The following TMEM245 variants were observed in gnomAD, a reference collection of about 807,000 sequenced individuals.
The protein encoded by TMEM245 is protein CG-2.
A neutral mutation model predicts 101.2 loss-of-function variants in TMEM245; 69 were observed. The observed-to-expected ratio is 0.68, with a 90% CI of 0.56 to 0.83. The LOEUF (loss-of-function observed/expected upper bound fraction) is 0.83, where lower values mean the gene tolerates loss of function less well. TMEM245 is among the 40% of genes least tolerant of loss of function. The probability of loss-of-function intolerance (pLI) is 0.00; values close to 1 mark genes in which losing one functional copy is unlikely to be tolerated. For missense variants in TMEM245, 1,075 were observed against 1,092.8 expected, an observed-to-expected ratio of 0.98 and a Z score of 0.23; for synonymous variants, 537 against 449.8, an observed-to-expected ratio of 1.19 and a Z score of -2.45.
intron 16 of TMEM245, 26 bp downstream of exon 16, chr9:109,036,180 A>G: frequency 6.5e-7 from 1 of 1,538,814 alleles, no homozygotes; most frequent in Non-Finnish European, 8.7e-7. Context: ...ATGATTCACT[A>G]ATAAGAAATT....
At chr9:109,060,111 G>C (rs1828964827) in intron 11 of TMEM245, among the ~76,000 whole-genome samples, 1 of 152,178 alleles carries the variant, frequency 6.6e-6, no homozygotes, top group South Asian at 2.1e-4. Flanking sequence ...CTAGTCTAGG[G>C]GATGAGATGT....
intron 8 of TMEM245, among the ~76,000 whole-genome samples, chr9:109,079,975 A>G (rs1588057753): frequency 1.3e-5 from 2 of 152,148 alleles, no homozygotes; most frequent in South Asian, 4.1e-4. Context: ...TTTTAGAAGC[A>G]AATAAGATAG....
At chr9:109,100,114 T>C (rs570717336) in intron 3 of TMEM245, among the ~76,000 whole-genome samples, 2 of 152,182 alleles carry the variant, frequency 1.3e-5, no homozygotes, top group Non-Finnish European at 2.9e-5. Flanking sequence ...GTAAGGTTTC[T>C]GGGATCTAGG....
rs1427795102 is a variant in TMEM245, at chr9:109,086,034, G to A, written c.1321-14C>T. The A allele has an allele frequency of 6.2e-7, 1 of 1,613,538 alleles. No individual in the cohort carries two copies. Among genetic ancestry groups the A allele is most frequent in the Non-Finnish European group, 8.5e-7 (1 of 1,179,640 alleles). ...CCAGTGCCAGAGCTTGAGGATAGGG[G>A]GTAAGGTGAGAAAGAGAAGATAAGA... On this transcript the variant is annotated splice_polypyrimidine_tract_variant and intron_variant, in intron 6 of 17. Coordinates refer to ENST00000374586, the MANE Select transcript of TMEM245 (RefSeq NM_032012.4).
At chr9:109,057,925 CTTTTTT>C (rs35332085) in intron 11 of TMEM245, among the ~76,000 whole-genome samples, 1 of 112,752 alleles carries the variant, frequency 8.9e-6, no homozygotes, top group Admixed American at 1.0e-4. Flanking sequence ...CATTTACTTT[CTTTTTT>C]TTTTTTTTTT....
At chr9:109,106,855 G>T (rs1188075444) in intron 2 of TMEM245, among the ~76,000 whole-genome samples, 1 of 152,002 alleles carries the variant, frequency 6.6e-6, no homozygotes, top group Non-Finnish European at 1.5e-5. Context: ...TACCTTTAAT[G>T]GGGTTCTATT....
chr9:109,028,009 G>A (rs1827838474), intron 17 of TMEM245, among the ~76,000 whole-genome samples: 1 of 151,960 alleles, frequency 6.6e-6, no homozygotes, highest in Non-Finnish European at 1.5e-5. Context: ...TGAGCCAACA[G>A]CCAAACACCT....
chr9:109,028,754 A>T (rs1165103533), intron 17 of TMEM245, among the ~76,000 whole-genome samples: 1 of 152,100 alleles, frequency 6.6e-6, no homozygotes, highest in African/African-American at 2.4e-5. Flanking sequence ...AGAAGCAAAA[A>T]CCCAAATTAT....
intron 10 of TMEM245, among the ~76,000 whole-genome samples, chr9:109,062,698 C>T (rs1212323056): frequency 6.6e-6 from 1 of 152,184 alleles, no homozygotes; most frequent in Non-Finnish European, 1.5e-5. Context: ...GGCCAGGCAT[C>T]GTGGCTCATG....
At chr9:109,040,205 T>C (rs1340064606) in intron 14 of TMEM245, among the ~76,000 whole-genome samples, 1 of 152,200 alleles carries the variant, frequency 6.6e-6, no homozygotes, top group African/African-American at 2.4e-5. Flanking sequence ...TATTCCCCTC[T>C]ACCTCATTAC....
intron 16 of TMEM245, 85 bp downstream of exon 16, chr9:109,036,121 C>T: frequency 1.4e-5 from 17 of 1,199,884 alleles, no homozygotes; most frequent in Non-Finnish European, 1.8e-5. Context: ...TTGTATACCC[C>T]CAGGAGAAAA....
At chr9:109,051,177 A>C (rs1035105375) in intron 12 of TMEM245, among the ~76,000 whole-genome samples, 1 of 151,872 alleles carries the variant, frequency 6.6e-6, no homozygotes, top group African/African-American at 2.4e-5. Flanking sequence ...TTGTAATCCC[A>C]GCTACCTGGG....
At chr9:109,052,795 T>C (rs566668487) in intron 12 of TMEM245, among the ~76,000 whole-genome samples, 9 of 152,308 alleles carry the variant, frequency 5.9e-5, no homozygotes, top group East Asian at 1.9e-4. Context: ...TTCAGTCATT[T>C]TGGAATTTTT....
In TMEM245 at chr9:109,119,435, T is replaced by C; in HGVS notation, c.479A>G (p.Tyr160Cys). Reference protein sequence around the residue: ...LLLGAGGPLLYGLYCLGSYLG... With the variant: ...LLLGAGGPLLCGLYCLGSYLG... ...GTAGCTGCCGAGGCAGTAGAGGCCG[T>C]ACAGGAGCGGGCCGCCGGCGCCGAG... Residue 160 changes from tyrosine to cysteine, a missense_variant, in exon 1 of 18, where the codon TAC becomes TGC. Transcript: ENST00000374586. 5 of 1,513,882 alleles carry C rather than the reference T, an allele frequency of 3.3e-6. No homozygotes were observed. The highest frequency in any genetic ancestry group is 3.5e-6 in the Non-Finnish European group (4 of 1,137,114). The allele number at this position is 1,513,882 out of a possible 1,614,324, so 93.8% of individuals were successfully genotyped here. A position where few individuals can be genotyped will look rare whatever the true frequency, so the allele number is the denominator to read the frequency against.
chr9:109,051,447 G>A (rs934224650), intron 12 of TMEM245, among the ~76,000 whole-genome samples: 5 of 152,084 alleles, frequency 3.3e-5, no homozygotes, highest in Non-Finnish European at 7.4e-5. Context: ...ATTTCGTCCT[G>A]CAAATGTCAT....
chr9:109,054,007 T>G (rs1406932591), intron 12 of TMEM245, among the ~76,000 whole-genome samples: 2 of 152,124 alleles, frequency 1.3e-5, no homozygotes, highest in Non-Finnish European at 2.9e-5. Flanking sequence ...AAAACGCCAT[T>G]TCAACACAGC....
intron 3 of TMEM245, among the ~76,000 whole-genome samples, chr9:109,095,190 T>A (rs1830107005): frequency 6.6e-6 from 1 of 152,140 alleles, no homozygotes; most frequent in African/African-American, 2.4e-5. Context: ...AGGACCTTAC[T>A]CTCCTGGCCT....
Position 109,018,382 on chromosome 9 carries a change from T to TAGA in TMEM245, c.*2075_*2077dup, listed in dbSNP as rs1336648259. ...CCTGTACAGTGCCTGGCACAGAATC[T>TAGA]AGAGTTTAGCCAACTCTCAACAAAT... On this transcript the variant is annotated 3_prime_UTR_variant, in exon 18 of 18. Coordinates refer to ENST00000374586, the MANE Select transcript of TMEM245 (RefSeq NM_032012.4). 6.6e-6 allele frequency: 1 copy of TAGA among 152,210 alleles called. No homozygotes were observed. The highest frequency in any genetic ancestry group is 1.9e-4 in the East Asian group (1 of 5,204). 9.4% of individuals were successfully genotyped at this position (152,210 alleles called of 1,614,324 possible).
chr9:109,021,423 A>C (rs1009406622), intron 17 of TMEM245, among the ~76,000 whole-genome samples: 1 of 152,218 alleles, frequency 6.6e-6, no homozygotes, highest in Non-Finnish European at 1.5e-5. Flanking sequence ...TTTTAGATAG[A>C]AGTTATATTG....
Sources: gnomAD v4.1 joint callset for allele counts (sites outside exome capture counted in the v4.1 genomes callset) on GRCh38, gnomAD v4.1.1 for gene constraint, MANE v1.5 for transcripts, NCBI Gene and HGNC (gene_info 2026-07-23, HGNC 2026-07-21) for gene names.